Variants in RAB3C observed in about 807,000 individuals in gnomAD.
RAB3C encodes RAB3C, member RAS oncogene family.
In RAB3C, 17 loss-of-function variants were observed where a neutral mutation model predicts 26.4. The ratio of observed to expected loss-of-function variants is 0.64; its 90% CI spans 0.44 to 0.97. The LOEUF is 0.97. RAB3C is among the 50% of genes least tolerant of loss of function. RAB3C has a pLI of 0.00. For missense variants in RAB3C, 242 were observed against 281.9 expected, an observed-to-expected ratio of 0.86 and a Z score of 1.01; for synonymous variants, 91 against 95.9, an observed-to-expected ratio of 0.95 and a Z score of 0.30.
chr5:58,764,382 C>G (rs376207638), intron 3 of RAB3C, among the ~76,000 whole-genome samples: 2 of 152,268 alleles, frequency 1.3e-5, no homozygotes, highest in East Asian at 3.9e-4. Context: ...GTTCTAGAGG[C>G]AAGGAACCCA....
chr5:58,785,265 C>A (rs1742353244), intron 3 of RAB3C, among the ~76,000 whole-genome samples: 1 of 152,200 alleles, frequency 6.6e-6, no homozygotes, highest in Non-Finnish European at 1.5e-5. Context: ...CCCATAAAAT[C>A]TGACTTCATT....
chr5:58,756,516 A>G (rs28420133), intron 3 of RAB3C, among the ~76,000 whole-genome samples: 428 of 129,276 alleles, frequency 3.3e-3, no homozygotes, highest in Middle Eastern at 8.1e-3. Flanking sequence ...CCATCAACTA[A>G]GTTCCCTCCC....
At chr5:58,596,951 G>A (rs1746295796) in intron 1 of RAB3C, among the ~76,000 whole-genome samples, 5 of 82,124 alleles carry the variant, frequency 6.1e-5, no homozygotes, top group South Asian at 4.3e-4. Context: ...ATAATAATAT[G>A]ATACATAATA....
At chr5:58,612,111 A>G (rs367846401) in intron 1 of RAB3C, among the ~76,000 whole-genome samples, 2 of 152,096 alleles carry the variant, frequency 1.3e-5, no homozygotes, top group East Asian at 3.9e-4. Flanking sequence ...TTGTACCAGT[A>G]TCATGCTGTT....
intron 4 of RAB3C, among the ~76,000 whole-genome samples, chr5:58,827,242 G>A (rs996736874): frequency 6.6e-6 from 1 of 152,198 alleles, no homozygotes; most frequent in Non-Finnish European, 1.5e-5. Flanking sequence ...GGGTTGGCAG[G>A]TTGGCTTCCC....
intron 3 of RAB3C, among the ~76,000 whole-genome samples, chr5:58,794,947 AT>A (rs1742610984): frequency 6.6e-6 from 1 of 152,254 alleles, no homozygotes; most frequent in Admixed American, 6.5e-5. Context: ...CAGATAGTTC[AT>A]TTAGAAAAAG....
At chr5:58,655,945 C>A (rs568443371) in intron 2 of RAB3C, among the ~76,000 whole-genome samples, 1 of 151,912 alleles carries the variant, frequency 6.6e-6, no homozygotes, top group African/African-American at 2.4e-5. Flanking sequence ...TACAGGCGCC[C>A]GCCACCACGC....
chr5:58,751,704 A>G (rs376978147), intron 3 of RAB3C, among the ~76,000 whole-genome samples: 51 of 152,366 alleles, frequency 3.3e-4, no homozygotes, highest in African/African-American at 1.1e-3. Flanking sequence ...CATGTTAGTC[A>G]TATTACTTGA....
At position 58,693,347 on chromosome 5, in the gene RAB3C, T is replaced by TATATATATATATATATATATACAC. The variant is rs1173401450; in HGVS notation, c.253-32640_253-32639insTATATACACATATATATATATATA. Among the ~76,000 whole-genome samples, 384 of 137,814 alleles carry TATATATATATATATATATATACAC rather than the reference T, an allele frequency of 2.8e-3. 12 individuals are homozygous for TATATATATATATATATATATACAC. Among genetic ancestry groups the TATATATATATATATATATATACAC allele is most frequent in the African/African-American group, 0.011 (364 of 33,692 alleles). The allele number at this position is 137,814 out of a possible 152,430, so 90.4% of individuals were successfully genotyped here. A position where few individuals can be genotyped will look rare whatever the true frequency, so the allele number is the denominator to read the frequency against. ...TTATATATATATGTGTATATATATA[T>TATATATATATATATATATATACAC]ATATATATATATATAAAATTTCTTA... On this transcript the variant is annotated intron_variant, in intron 2 of 4. Coordinates refer to ENST00000282878, the MANE Select transcript of RAB3C (RefSeq NM_138453.4).
At chr5:58,754,289 T>C (rs1327843704) in intron 3 of RAB3C, among the ~76,000 whole-genome samples, 1 of 152,178 alleles carries the variant, frequency 6.6e-6, no homozygotes, top group Non-Finnish European at 1.5e-5. Flanking sequence ...CTAAATAATG[T>C]ATGTAACCAA....
intron 2 of RAB3C, among the ~76,000 whole-genome samples, chr5:58,652,271 C>T (rs1747669279): frequency 6.6e-6 from 1 of 151,444 alleles, no homozygotes; most frequent in East Asian, 1.9e-4. Context: ...AATTTATATT[C>T]TCTAAGTATA....
At chr5:58,640,453 A>G (rs1274642919) in intron 2 of RAB3C, among the ~76,000 whole-genome samples, 1 of 152,214 alleles carries the variant, frequency 6.6e-6, no homozygotes, top group Non-Finnish European at 1.5e-5. Flanking sequence ...TTCAGACTAT[A>G]TTATTTCTAT....
chr5:58,676,110 C>T lies in RAB3C; in HGVS notation c.253-49892C>T, dbSNP rs74471456. ...CCCAAATCCCAGAGGACATAAGTCA[C>T]GCTTTCTGAGGGGTTCTCTGAAGCC... On this transcript the variant is annotated intron_variant, in intron 2 of 4. Transcript: ENST00000282878. 9.2e-3 allele frequency among the ~76,000 whole-genome samples: 1,396 copies of T among 152,240 alleles called. 21 individuals are homozygous for T. The highest frequency in any genetic ancestry group is 0.014 in the Middle Eastern group (4 of 294).
At chr5:58,797,296 A>T (rs1394372665) in intron 3 of RAB3C, among the ~76,000 whole-genome samples, 1 of 145,336 alleles carries the variant, frequency 6.9e-6, no homozygotes, top group Non-Finnish European at 1.5e-5. Context: ...ACTGACTGGC[A>T]GTGAGTGAAT....
intron 2 of RAB3C, among the ~76,000 whole-genome samples, chr5:58,649,364 CAA>C (rs909309851): frequency 6.6e-6 from 1 of 151,998 alleles, no homozygotes; most frequent in African/African-American, 2.4e-5. Context: ...CTCCATTTTC[CAA>C]ACTCACTGGC....
At chr5:58,851,110 T>G in intron 4 of RAB3C, 54 bp from the exon 5 acceptor site, 1 of 1,515,682 alleles carries the variant, frequency 6.6e-7, no homozygotes, top group Non-Finnish European at 8.9e-7. Context: ...TCAAGTCCCA[T>G]TTAATTTCAG....
At chr5:58,786,006 C>T (rs1012423815) in intron 3 of RAB3C, among the ~76,000 whole-genome samples, 2 of 152,160 alleles carry the variant, frequency 1.3e-5, no homozygotes, top group African/African-American at 4.8e-5. Context: ...CCTAGAGCCT[C>T]CAGAAAGGAA....
intron 2 of RAB3C, among the ~76,000 whole-genome samples, chr5:58,694,982 GT>G (rs1242847356): frequency 1.3e-5 from 2 of 152,136 alleles, no homozygotes. Context: ...TGCTTTCGGT[GT>G]TTTAGTCATG....
chr5:58,735,908 T>C (rs1215449059), intron 3 of RAB3C, among the ~76,000 whole-genome samples: 1 of 152,168 alleles, frequency 6.6e-6, no homozygotes, highest in Non-Finnish European at 1.5e-5. Context: ...AAGCCCCTTA[T>C]TCCTGATAGA....
Sources: gnomAD v4.1 joint callset for allele counts (sites outside exome capture counted in the v4.1 genomes callset) on GRCh38, gnomAD v4.1.1 for gene constraint, MANE v1.5 for transcripts, NCBI Gene and HGNC (gene_info 2026-07-23, HGNC 2026-07-21) for gene names.